The following GAPVD1 variants were observed in gnomAD, a reference collection of about 807,000 sequenced individuals.
GAPVD1 encodes the protein GTPase activating protein and VPS9 domains 1, also known as GTPase-activating protein and VPS9 domain-containing protein 1.
In GAPVD1, 35 loss-of-function variants were observed where a neutral mutation model predicts 155.5. That is an observed-to-expected ratio of 0.23 (90% confidence interval 0.17 to 0.30). GAPVD1 has a LOEUF of 0.30. Among genes scored for constraint, GAPVD1 ranks in the 10% least tolerant of loss-of-function variants. The probability of loss-of-function intolerance (pLI) is 1.00; values close to 1 mark genes in which losing one functional copy is unlikely to be tolerated. For synonymous variants in GAPVD1, 636 were observed against 619.7 expected (o/e 1.03, Z -0.39); for missense variants, 1,429 against 1,775.7 (o/e 0.80, Z 3.51).
At chr9:125,300,212 C>T (rs10986693) in intron 4 of GAPVD1, among the ~76,000 whole-genome samples, 2,849 of 143,926 alleles carry the variant, frequency 0.02, 122 homozygotes, top group East Asian at 0.089. Context: ...GTTGGAGTCT[C>T]GCTCTGTCCC....
intron 6 of GAPVD1, among the ~76,000 whole-genome samples, chr9:125,306,639 C>T (rs979306860): frequency 2.7e-4 from 41 of 151,658 alleles, no homozygotes; most frequent in Admixed American, 4.6e-4. Flanking sequence ...ACTGCAGGTG[C>T]GCGCCACCAC....
At chr9:125,292,922 G>A (rs1311910811) in intron 2 of GAPVD1, among the ~76,000 whole-genome samples, 1 of 152,132 alleles carries the variant, frequency 6.6e-6, no homozygotes, top group Non-Finnish European at 1.5e-5. Context: ...GCTTTCAAAA[G>A]GAATTCTGGA....
intron 1 of GAPVD1, among the ~76,000 whole-genome samples, chr9:125,266,319 AT>A (rs796186675): frequency 3.6e-4 from 51 of 143,596 alleles, no homozygotes; most frequent in South Asian, 4.4e-4. Flanking sequence ...ATTTTATTTT[AT>A]TTTTTTTTTT....
chr9:125,285,453 GTTTTTTTTTTTT>G (rs10659223), intron 2 of GAPVD1, among the ~76,000 whole-genome samples: 2 of 94,686 alleles, frequency 2.1e-5, no homozygotes, highest in Non-Finnish European at 4.0e-5. Context: ...TTTTTTCTTT[GTTTTTTTTTTTT>G]TTTTTTTTTT....
At chr9:125,328,919 G>T (rs923322844) in intron 12 of GAPVD1, among the ~76,000 whole-genome samples, 1 of 152,244 alleles carries the variant, frequency 6.6e-6, no homozygotes, top group Non-Finnish European at 1.5e-5. Context: ...GATCACTCGC[G>T]GTTAGGGGCT....
At chr9:125,286,783 T>C (rs1040456596) in intron 2 of GAPVD1, among the ~76,000 whole-genome samples, 4 of 152,062 alleles carry the variant, frequency 2.6e-5, no homozygotes, top group African/African-American at 4.8e-5. Context: ...TGGTTTCAAA[T>C]TGGTGGTATC....
chr9:125,286,915 C>G (rs1262879030), intron 2 of GAPVD1, among the ~76,000 whole-genome samples: 1 of 151,962 alleles, frequency 6.6e-6, no homozygotes, highest in Non-Finnish European at 1.5e-5. Flanking sequence ...AAAACCCCGT[C>G]TCTACTAAAA....
At chr9:125,337,620 T>G in intron 17 of GAPVD1, 29 bp downstream of exon 17, 1 of 1,580,086 alleles carries the variant, frequency 6.3e-7, no homozygotes, top group Non-Finnish European at 8.6e-7. Context: ...GAAAAAGAAT[T>G]ATGTTCTGCC....
chr9:125,358,890 T>A (rs956086945), intron 25 of GAPVD1, among the ~76,000 whole-genome samples: 2 of 152,292 alleles, frequency 1.3e-5, no homozygotes, highest in East Asian at 1.9e-4. Context: ...AAAAGAGGAA[T>A]TGGAAGGAAC....
At chr9:125,319,033 G>C (rs932458863) in intron 9 of GAPVD1, among the ~76,000 whole-genome samples, 2 of 150,782 alleles carry the variant, frequency 1.3e-5, no homozygotes, top group African/African-American at 4.9e-5. Context: ...AAAATTAGCC[G>C]GGTGTGGTGG....
At chr9:125,307,603 C>A in intron 7 of GAPVD1, 56 bp downstream of exon 7, 1 of 1,563,820 alleles carries the variant, frequency 6.4e-7, no homozygotes, top group Non-Finnish European at 8.8e-7. Flanking sequence ...TAAGCGTGAG[C>A]AAAAACATAC....
chr9:125,309,109 GA>G (rs1014621527), intron 8 of GAPVD1: 7 of 152,136 alleles, frequency 4.6e-5, no homozygotes, highest in African/African-American at 1.7e-4. Flanking sequence ...GCATTTTGAA[GA>G]GAGGGATTTT....
At chr9:125,357,826 T>C (rs910262027) in intron 25 of GAPVD1, among the ~76,000 whole-genome samples, 7 of 151,900 alleles carry the variant, frequency 4.6e-5, no homozygotes, top group African/African-American at 1.7e-4. Context: ...AATACAAAAA[T>C]TAGCCAGGCA....
chr9:125,293,864 AT>A (rs1839226023), intron 2 of GAPVD1, among the ~76,000 whole-genome samples: 2 of 14,736 alleles, frequency 1.4e-4, no homozygotes, highest in Admixed American at 1.8e-3. Context: ...ATATATATAT[AT>A]ATATATATAT....
intron 15 of GAPVD1, among the ~76,000 whole-genome samples, chr9:125,335,894 T>C (rs986754045): frequency 6.6e-6 from 1 of 151,858 alleles, no homozygotes. Context: ...AGCTCATGCC[T>C]GTAATCCCAG....
chr9:125,336,432 A>G (rs1847002236), intron 15 of GAPVD1, among the ~76,000 whole-genome samples: 1 of 152,168 alleles, frequency 6.6e-6, no homozygotes, highest in Non-Finnish European at 1.5e-5. Flanking sequence ...TAGAACTTCA[A>G]GATTTACAGC....
chr9:125,294,603 C>T (rs998746759), intron 2 of GAPVD1, among the ~76,000 whole-genome samples: 1 of 151,734 alleles, frequency 6.6e-6, no homozygotes, highest in African/African-American at 2.4e-5. Context: ...GCCTCAGCCT[C>T]CCAAAATGCT....
At chr9:125,296,952 G>C (rs191988698) in intron 3 of GAPVD1, among the ~76,000 whole-genome samples, 1 of 152,146 alleles carries the variant, frequency 6.6e-6, no homozygotes, top group African/African-American at 2.4e-5. Flanking sequence ...GAGCCACCGT[G>C]CCCAACCCAA....
At chr9:125,266,951 G>A (rs1476484152) in intron 1 of GAPVD1, among the ~76,000 whole-genome samples, 1 of 151,570 alleles carries the variant, frequency 6.6e-6, no homozygotes, top group Non-Finnish European at 1.5e-5. Flanking sequence ...TAGTGGAGAT[G>A]GGGTTTCACC....
Sources: allele counts gnomAD v4.1 joint callset (sites outside exome capture counted in the v4.1 genomes callset), GRCh38; gene constraint gnomAD v4.1.1; transcripts MANE v1.5; gene names NCBI Gene and HGNC (gene_info 2026-07-23, HGNC 2026-07-21).